Variants in THSD7A observed in about 807,000 individuals in gnomAD.
The protein encoded by THSD7A is thrombospondin type-1 domain-containing protein 7A.
In THSD7A, 96 loss-of-function variants were observed where a neutral mutation model predicts 231.3. That is an observed-to-expected ratio of 0.41 (90% CI 0.35 to 0.49). The LOEUF is 0.49. THSD7A is among the 20% of genes least tolerant of loss of function. The pLI is 0.05. For missense variants in THSD7A, 2,290 were observed against 2,070.2 expected (o/e 1.11, Z -2.06); for synonymous variants, 940 against 743.3 (o/e 1.26, Z -4.30).
At chr7:11,709,013 A>G (rs1198858934) in intron 1 of THSD7A, among the ~76,000 whole-genome samples, 1 of 150,762 alleles carries the variant, frequency 6.6e-6, no homozygotes, top group Non-Finnish European at 1.5e-5. Context: ...AAGACATTGA[A>G]TAACCTTGAT....
In THSD7A at chr7:11,446,073, A is replaced by C. The variant is rs1359907601; in HGVS notation, c.3052T>G (p.Cys1018Gly). Reference protein sequence around the residue: ...QNGRLVETSRCNSHGYIEEAC... With the variant: ...QNGRLVETSRGNSHGYIEEAC... The stretch of plus-strand genomic sequence containing the variant: ...AAGATTGAATTACCATGGCTGTTAC[A>C]TCTAGATGTTTCCACAAGCCTGCCA... The change falls in exon 13 of 28, where the codon TGT becomes GGT. Residue 1018 changes from cysteine (C) to glycine (G), a missense_variant. Transcript: ENST00000423059. The surrounding 1 kb of genome is among the most constrained non-coding windows in gnomAD (Gnocchi z 4.0). 6.2e-7 allele frequency: 1 copy of C among 1,613,280 alleles called. No individual in the cohort carries two copies. Among genetic ancestry groups the C allele is most frequent in the South Asian group, 1.1e-5 (1 of 91,062 alleles).
At chr7:11,452,589 T>C (rs1015223202) in intron 11 of THSD7A, among the ~76,000 whole-genome samples, 3 of 152,006 alleles carry the variant, frequency 2.0e-5, no homozygotes, top group African/African-American at 7.2e-5. Context: ...CAGTTCCCAG[T>C]GGAGTAGCTG....
chr7:11,513,496 A>C (rs1260237076), intron 6 of THSD7A, among the ~76,000 whole-genome samples: 1 of 152,202 alleles, frequency 6.6e-6, no homozygotes, highest in Non-Finnish European at 1.5e-5. Context: ...ACATGCCATC[A>C]TATGGATGGA....
At chr7:11,469,776 T>C (rs919086104) in intron 9 of THSD7A, 103 bp downstream of exon 9, 1 of 726,374 alleles carries the variant, frequency 1.4e-6, no homozygotes, top group South Asian at 1.7e-5. Context: ...CAGGTTTACA[T>C]AGCCCTGTGC....
intron 1 of THSD7A, among the ~76,000 whole-genome samples, chr7:11,708,846 A>G (rs918059543): frequency 1.3e-5 from 2 of 150,804 alleles, no homozygotes; most frequent in Non-Finnish European, 3.0e-5. Context: ...ATTTAGATGT[A>G]AAGAGTAAAA....
chr7:11,406,638 A>G lies in THSD7A; in HGVS notation c.4063-164T>C, dbSNP rs1269876776. On this transcript the variant is annotated intron_variant, in intron 21 of 27. Coordinates refer to ENST00000423059, the MANE Select transcript of THSD7A (RefSeq NM_015204.3). This position sits in a 1 kb window ranked among gnomAD's most constrained non-coding sequence, Gnocchi z 4.7. ...ATAGGGCACTAGCAATAAAGCATAC[A>G]TTGAACAATTTGTTTCCTAGCTAAA... 2.0e-5 allele frequency among the ~76,000 whole-genome samples: 3 copies of G among 152,246 alleles called. No individual in the cohort carries two copies. The highest frequency in any genetic ancestry group is 4.4e-5 in the Non-Finnish European group (3 of 68,042).
intron 1 of THSD7A, among the ~76,000 whole-genome samples, chr7:11,743,354 A>G (rs971953573): frequency 2.6e-4 from 40 of 151,936 alleles, no homozygotes; most frequent in Non-Finnish European, 5.9e-5. Context: ...TTTATCGTCC[A>G]CTGAGAATAT....
At chr7:11,489,914 T>C (rs1786817970) in intron 6 of THSD7A, among the ~76,000 whole-genome samples, 1 of 152,078 alleles carries the variant, frequency 6.6e-6, no homozygotes, top group African/African-American at 2.4e-5. Context: ...TATTTACCTA[T>C]TGATTTTTAA....
In THSD7A at chr7:11,776,032, G is replaced by A. The variant is rs545909296; in HGVS notation, c.190+55725C>T. ...ATGAGATTTGATATTCTTTTAAAAC[G>A]TAAGTTAATAGCAGAGTAGGTTTCC... On this transcript the variant is annotated intron_variant, in intron 1 of 27. Transcript: ENST00000423059. Among the ~76,000 whole-genome samples the A allele has an allele frequency of 4.6e-5, 7 of 152,184 alleles. No homozygotes were observed. In the South Asian group the frequency reaches 1.5e-3, roughly 32 times the overall value.
At chr7:11,799,822 C>T (rs750605691) in intron 1 of THSD7A, among the ~76,000 whole-genome samples, 2 of 152,140 alleles carry the variant, frequency 1.3e-5, no homozygotes, top group Non-Finnish European at 2.9e-5. Flanking sequence ...TATGAGAAGA[C>T]ATTACAGAAT....
At chr7:11,758,270 A>T (rs1782748148) in intron 1 of THSD7A, among the ~76,000 whole-genome samples, 1 of 151,956 alleles carries the variant, frequency 6.6e-6, no homozygotes, top group African/African-American at 2.4e-5. Flanking sequence ...TATGCTCTAT[A>T]TTTGGTAATA....
intron 1 of THSD7A, among the ~76,000 whole-genome samples, chr7:11,803,477 A>C (rs1784328206): frequency 6.6e-6 from 1 of 152,114 alleles, no homozygotes; most frequent in African/African-American, 2.4e-5. Context: ...GTAGAAGGAG[A>C]GTTAGACATC....
chr7:11,545,246 C>G (rs1402459356), intron 4 of THSD7A, among the ~76,000 whole-genome samples: 1 of 151,850 alleles, frequency 6.6e-6, no homozygotes, highest in African/African-American at 2.4e-5. Flanking sequence ...CCATTTTTTC[C>G]TTCAATTGAT....
intron 23 of THSD7A, among the ~76,000 whole-genome samples, chr7:11,394,617 C>A (rs1286546266): frequency 6.6e-6 from 1 of 152,142 alleles, no homozygotes; most frequent in African/African-American, 2.4e-5. Context: ...CTTTGATCAC[C>A]CGCACACGTG....
chr7:11,510,435 T>A (rs549126726), intron 6 of THSD7A, among the ~76,000 whole-genome samples: 1 of 152,302 alleles, frequency 6.6e-6, no homozygotes, highest in Admixed American at 6.5e-5. Context: ...GAGACCAGCA[T>A]CATCCTGATA....
chr7:11,719,935 C>T (rs1415192100), intron 1 of THSD7A, among the ~76,000 whole-genome samples: 1 of 150,544 alleles, frequency 6.6e-6, no homozygotes, highest in Non-Finnish European at 1.5e-5. Flanking sequence ...AACTATAACT[C>T]TGTATTATCT....
chr7:11,456,076 G>T (rs372837814), intron 11 of THSD7A, among the ~76,000 whole-genome samples: 1 of 151,960 alleles, frequency 6.6e-6, no homozygotes, highest in Admixed American at 6.6e-5. Context: ...ATATGGAAGG[G>T]TCCAGACGTT....
At chr7:11,813,276 T>C (rs759596990) in intron 1 of THSD7A, among the ~76,000 whole-genome samples, 1 of 152,220 alleles carries the variant, frequency 6.6e-6, no homozygotes, top group East Asian at 1.9e-4. Context: ...CTAAATGCAC[T>C]TTTATTCTTA....
In THSD7A at chr7:11,611,787, A is replaced by AACACAC. The variant is rs56683135; in HGVS notation, c.1023-18291_1023-18286dup. 6.7e-3 allele frequency among the ~76,000 whole-genome samples: 924 copies of AACACAC among 138,760 alleles called. 10 individuals carry two copies. The highest frequency in any genetic ancestry group is 0.019 in the East Asian group (89 of 4,592). The allele number at this position is 138,760 out of a possible 152,430, so 91.0% of individuals were successfully genotyped here. A position where few individuals can be genotyped will look rare whatever the true frequency, so the allele number is the denominator to read the frequency against. ...TACAACTAGCCATAAAGTACCATAA[A>AACACAC]ACACACACACACACACACACACACA... On this transcript the variant is annotated intron_variant, in intron 2 of 27. Coordinates refer to ENST00000423059, the MANE Select transcript of THSD7A (RefSeq NM_015204.3).
Sources: allele counts gnomAD v4.1 joint callset (sites outside exome capture counted in the v4.1 genomes callset), GRCh38; gene constraint gnomAD v4.1.1; non-coding constraint Gnocchi (gnomAD v3.1); transcripts MANE v1.5; gene names NCBI Gene and HGNC (gene_info 2026-07-23, HGNC 2026-07-21).